The following NRG3 variants were observed in gnomAD, a reference collection of about 807,000 sequenced individuals.
The protein encoded by NRG3 is neuregulin 3, also known as pro-neuregulin-3, membrane-bound isoform.
Under a neutral mutation model 66.9 loss-of-function variants are expected in NRG3, and 31 were observed. The observed-to-expected ratio is 0.46, with a 90% CI of 0.35 to 0.63. The LOEUF (loss-of-function observed/expected upper bound fraction) is 0.63. Among genes scored for constraint, NRG3 ranks in the 20% least tolerant of loss-of-function variants. The pLI, the probability that NRG3 is intolerant of heterozygous loss-of-function variation, is 0.00. For missense variants in NRG3, 910 were observed against 878.9 expected, an observed-to-expected ratio of 1.04 and a Z score of -0.45; for synonymous variants, 393 against 359.4, an observed-to-expected ratio of 1.09 and a Z score of -1.06.
At chr10:82,053,880 G>A (rs1448292597) in intron 1 of NRG3, among the ~76,000 whole-genome samples, 1 of 152,200 alleles carries the variant, frequency 6.6e-6, no homozygotes, top group East Asian at 1.9e-4. Context: ...AGGTGAGAAT[G>A]TAAATCATGT....
chr10:82,733,974 A>G (rs2058041107), intron 2 of NRG3, among the ~76,000 whole-genome samples: 1 of 152,168 alleles, frequency 6.6e-6, no homozygotes, highest in Non-Finnish European at 1.5e-5. Flanking sequence ...CCAAAAGATG[A>G]TCATTTCTGT....
chr10:82,889,770 T>A (rs1453292227), intron 4 of NRG3, among the ~76,000 whole-genome samples: 1 of 152,016 alleles, frequency 6.6e-6, no homozygotes, highest in African/African-American at 2.4e-5. Flanking sequence ...GAAGGTGGAG[T>A]TTTGAGTAAA....
chr10:82,043,022 C>G (rs1344175781), intron 1 of NRG3, among the ~76,000 whole-genome samples: 1 of 151,978 alleles, frequency 6.6e-6, no homozygotes, highest in Non-Finnish European at 1.5e-5. Flanking sequence ...GATATGTAGA[C>G]AGTTTCATGC....
intron 1 of NRG3, among the ~76,000 whole-genome samples, chr10:82,199,755 T>C (rs2074672213): frequency 6.6e-6 from 1 of 152,150 alleles, no homozygotes; most frequent in Non-Finnish European, 1.5e-5. Context: ...GGAAGCTATC[T>C]ACACTTGGTG....
chr10:82,296,671 CTCTTT>C (rs1480430923), intron 1 of NRG3, among the ~76,000 whole-genome samples: 2 of 152,102 alleles, frequency 1.3e-5, no homozygotes, highest in East Asian at 1.9e-4. Context: ...AACATTTCAA[CTCTTT>C]TCTTCTAGCT....
chr10:81,960,902 C>G (rs1850294393), intron 1 of NRG3, among the ~76,000 whole-genome samples: 1 of 152,068 alleles, frequency 6.6e-6, no homozygotes, highest in Non-Finnish European at 1.5e-5. Context: ...CCCTCATCCA[C>G]AGAGTTGCCT....
chr10:82,428,496 C>G (rs1001083087), intron 2 of NRG3, among the ~76,000 whole-genome samples: 4 of 151,608 alleles, frequency 2.6e-5, no homozygotes, highest in Non-Finnish European at 5.9e-5. Flanking sequence ...TTGTTTTTTA[C>G]TTACATATAT....
chr10:82,037,973 G>A (rs928904058), intron 1 of NRG3, among the ~76,000 whole-genome samples: 1 of 123,186 alleles, frequency 8.1e-6, no homozygotes, highest in East Asian at 2.1e-4. Flanking sequence ...GTGTGGGGAG[G>A]GGGGAGAGAG....
At chr10:82,215,474 A>T (rs1428678307) in intron 1 of NRG3, among the ~76,000 whole-genome samples, 1 of 152,212 alleles carries the variant, frequency 6.6e-6, no homozygotes, top group African/African-American at 2.4e-5. Flanking sequence ...AGAAATGATC[A>T]ATGCTACAAG....
intron 1 of NRG3, among the ~76,000 whole-genome samples, chr10:81,958,115 G>T (rs1282831992): frequency 6.6e-6 from 1 of 152,110 alleles, no homozygotes; most frequent in Non-Finnish European, 1.5e-5. Flanking sequence ...CCTGGCAATT[G>T]TTTTGACCAT....
intron 2 of NRG3, among the ~76,000 whole-genome samples, chr10:82,737,876 T>C (rs2134734535): frequency 6.6e-6 from 1 of 152,264 alleles, no homozygotes; most frequent in African/African-American, 2.4e-5. Flanking sequence ...TGCCTCCAAA[T>C]TGTGCCCGCC....
chr10:82,273,527 A>G (rs921700533), intron 1 of NRG3, among the ~76,000 whole-genome samples: 3 of 152,076 alleles, frequency 2.0e-5, no homozygotes, highest in Non-Finnish European at 4.4e-5. Flanking sequence ...CAGAATTTTA[A>G]TGGGCCATTT....
intron 2 of NRG3, among the ~76,000 whole-genome samples, chr10:82,680,146 C>G (rs544093343): frequency 6.6e-6 from 1 of 152,088 alleles, no homozygotes; most frequent in East Asian, 1.9e-4. Flanking sequence ...ACTGTTAATA[C>G]CACCCTATGA....
Position 82,986,720 on chromosome 10 carries a change from G to A in NRG3, c.*1115G>A, listed in dbSNP as rs1405628508. 6.6e-6 allele frequency: 1 copy of A among 152,260 alleles called. No homozygotes were observed. Among genetic ancestry groups the A allele is most frequent in the East Asian group, 1.9e-4 (1 of 5,176 alleles). 9.4% of individuals were successfully genotyped at this position (152,260 alleles called of 1,614,324 possible). On this transcript the variant is annotated 3_prime_UTR_variant, in exon 9 of 9. Coordinates refer to ENST00000372141, the MANE Select transcript of NRG3 (RefSeq NM_001010848.4). ...ATTAATGATATCAGTATCATAAGGT[G>A]AGTTCATCAAGGATGTGTGTTTATT...
intron 2 of NRG3, among the ~76,000 whole-genome samples, chr10:82,475,668 T>C (rs974899335): frequency 1.8e-4 from 27 of 152,302 alleles, no homozygotes; most frequent in South Asian, 2.1e-4. Flanking sequence ...TAGACCCTTA[T>C]CTTACACTAT....
intron 1 of NRG3, among the ~76,000 whole-genome samples, chr10:82,274,426 C>A (rs887674687): frequency 1.7e-5 from 2 of 120,360 alleles, no homozygotes; most frequent in East Asian, 4.8e-4. Flanking sequence ...TGATTATTAG[C>A]CTTTATTGCT....
intron 4 of NRG3, among the ~76,000 whole-genome samples, chr10:82,916,374 C>A (rs2132018905): frequency 6.6e-6 from 1 of 152,212 alleles, no homozygotes. Context: ...AATGCTTGAG[C>A]CTGGGAGGTC....
chr10:82,637,048 G>A (rs1440092594), intron 2 of NRG3, among the ~76,000 whole-genome samples: 4 of 152,098 alleles, frequency 2.6e-5, no homozygotes, highest in Admixed American at 1.3e-4. Context: ...TTTGCTAAAT[G>A]ACTAGATTGT....
intron 3 of NRG3, among the ~76,000 whole-genome samples, chr10:82,830,532 C>G (rs1316498667): frequency 6.6e-6 from 1 of 152,130 alleles, no homozygotes; most frequent in African/African-American, 2.4e-5. Flanking sequence ...TAAAACCTAT[C>G]TTGATCACAA....
Sources: allele counts gnomAD v4.1 joint callset (sites outside exome capture counted in the v4.1 genomes callset), GRCh38; gene constraint gnomAD v4.1.1; transcripts MANE v1.5; gene names NCBI Gene and HGNC (gene_info 2026-07-23, HGNC 2026-07-21).